NFRKB: variants seen among roughly 807,000 people sequenced by gnomAD.
NFRKB encodes nuclear factor related to kappa-B-binding protein.
In NFRKB, 62 loss-of-function variants were observed where a neutral mutation model predicts 135.7. The ratio of observed to expected loss-of-function variants is 0.46; its 90% CI spans 0.37 to 0.56. The LOEUF (loss-of-function observed/expected upper bound fraction) is 0.56, where lower values mean the gene tolerates loss of function less well. NFRKB is among the 20% of genes least tolerant of loss of function. NFRKB has a pLI of 0.00. For missense variants in NFRKB, 1,545 were observed against 1,662.0 expected (o/e 0.93, Z 1.22); for synonymous variants, 678 against 635.6 (o/e 1.07, Z -1.00).
rs200192480 is a variant in NFRKB, at chr11:129,874,521, G to A, written c.2038C>T (p.Pro680Ser). 24 of 1,614,194 alleles carry A rather than the reference G, an allele frequency of 1.5e-5. No individual in the cohort carries two copies. The highest frequency in any genetic ancestry group is 1.7e-4 in the Middle Eastern group (1 of 6,060). The change falls in exon 20 of 27, where the codon CCC becomes TCC. Residue 680 changes from proline (P) to serine (S), a missense_variant. This residue lies in a region of NFRKB where 753 missense variants were observed against 804.3 expected (regional missense o/e 0.94). Coordinates refer to ENST00000682444, the MANE Select transcript of NFRKB (RefSeq NM_001143835.2). The surrounding 1 kb of genome is among the most constrained non-coding windows in gnomAD (Gnocchi z 4.5). ...AKARKALQQK[P>S]KPPSKVKSSS... ...CTTACCACCTTGGATGGGGGCTTGG[G>A]TTTTTGCTGAAGAGCTTTTCTGGCT... is the stretch of plus-strand genomic sequence containing the variant.
At position 129,885,609 on chromosome 11, in the gene NFRKB, C is replaced by A. The variant is rs551311902; in HGVS notation, c.466G>T (p.Asp156Tyr). Residue 156 changes from aspartate to tyrosine, a missense_variant and splice_region_variant, in exon 6 of 27, where the codon GAT (aspartate) becomes TAT (tyrosine). Asp to Tyr is a radical substitution (Grantham distance 160, BLOSUM62 -3). Coordinates refer to ENST00000682444, the MANE Select transcript of NFRKB (RefSeq NM_001143835.2). The part of the protein sequence containing the change: ...LLKQILASRS[D>Y]LLEMARRSGP... Reference sequence around the variant, plus strand: ...CTCCGCCGGGCCATCTCCAGCAGATCCTAGGTAGAGATCAGGTGGGGGTAC... The same window carrying A: ...CTCCGCCGGGCCATCTCCAGCAGATACTAGGTAGAGATCAGGTGGGGGTAC... 4.5e-5 allele frequency: 73 copies of A among 1,606,134 alleles called. 3 individuals carry two copies. The South Asian group carries it at 7.5e-4, about 17-fold the overall frequency.
At chr11:129,879,084 T>A (rs764406192) in intron 13 of NFRKB, among the ~76,000 whole-genome samples, 11 of 152,138 alleles carry the variant, frequency 7.2e-5, no homozygotes, top group Non-Finnish European at 1.3e-4. Flanking sequence ...TCCTGTGCCC[T>A]CTTCTCAGGT....
chr11:129,869,752 C>A lies in NFRKB; in HGVS notation c.3273G>T (p.Val1091=). The change falls in exon 24 of 27, where the codon GTG becomes GTT. Residue 1091 remains valine, a synonymous_variant. Coordinates refer to ENST00000682444, the MANE Select transcript of NFRKB (RefSeq NM_001143835.2). The part of the protein sequence containing the change: ...EAKPAATIRI[V]QGLGVMPPKA... ...TGGGAGGCATCACTCCCAGTCCCTG[C>A]ACGATGCGGATCGTGGCAGCTGGTT... is the stretch of plus-strand genomic sequence containing the variant. 5 of 1,614,260 alleles carry A rather than the reference C, an allele frequency of 3.1e-6. No homozygotes were observed. The highest frequency in any genetic ancestry group is 4.2e-6 in the Non-Finnish European group (5 of 1,180,046).
At chr11:129,883,230 G>A in intron 8 of NFRKB, 24 bp from the exon 9 acceptor site, 3 of 1,607,038 alleles carry the variant, frequency 1.9e-6, no homozygotes, top group South Asian at 2.2e-5. Context: ...CCAGAATTTG[G>A]TCATGGAGGC....
intron 24 of NFRKB, among the ~76,000 whole-genome samples, chr11:129,867,085 T>C (rs190774731): frequency 8.9e-4 from 135 of 152,318 alleles, no homozygotes; most frequent in Middle Eastern, 3.4e-3. Flanking sequence ...CTGCCTAGAA[T>C]GATCCCTTCA....
At chr11:129,877,423 G>A in intron 15 of NFRKB, 38 bp from the exon 16 acceptor site, 1 of 1,596,536 alleles carries the variant, frequency 6.3e-7, no homozygotes, top group Non-Finnish European at 8.6e-7. Context: ...CCTGACAGCT[G>A]GCACGTGTGT....
chr11:129,882,630 G>T lies in NFRKB; in HGVS notation c.903C>A (p.Ala301=), dbSNP rs1378689195. The T allele has an allele frequency of 6.2e-7, 1 of 1,612,630 alleles. No individual in the cohort carries two copies. The highest frequency in any genetic ancestry group is 8.5e-7 in the Non-Finnish European group (1 of 1,179,752). ...TTTTAAGGACAGCCAAGTCATATAA[G>T]GCTAGAAAGGCAAAGTAACACCAGT... ...VNAGRKGSLA[A]LYDLAVLKKK... Residue 301 remains alanine, a splice_region_variant and synonymous_variant, in exon 10 of 27, where the codon GCC becomes GCA. Transcript: ENST00000682444.
At position 129,881,843 on chromosome 11, in the gene NFRKB, C is replaced by A; in HGVS notation, c.1202G>T (p.Arg401Leu). ...TGGCGATGACTGCCAATCCAAAACT[C>A]GCTCCTCTAGCTGAGGGAAAGCAAA... is the stretch of plus-strand genomic sequence containing the variant. ...SQASLPMLEERVLDWQSSPAS... is the reference protein window; with the variant it reads ...SQASLPMLEELVLDWQSSPAS... Residue 401 changes from arginine (R) to leucine (L), a missense_variant, in exon 12 of 27, where the codon CGA becomes CTA. By Grantham distance (102) the Arg-to-Leu change is moderately radical. Around this residue, in one of 3 missense-constraint regions of NFRKB, gnomAD observed 678 missense variants for 646.7 expected, o/e 1.05. Coordinates refer to ENST00000682444, the MANE Select transcript of NFRKB (RefSeq NM_001143835.2). The A allele has an allele frequency of 1.2e-6, 2 of 1,606,752 alleles. No individual in the cohort carries two copies. The highest frequency in any genetic ancestry group is 1.1e-5 in the South Asian group (1 of 89,624).
intron 8 of NFRKB, 118 bp from the exon 9 acceptor site, chr11:129,883,324 T>C (rs927865053): frequency 4.2e-6 from 3 of 721,228 alleles, no homozygotes; most frequent in Non-Finnish European, 7.4e-6. Flanking sequence ...TCACATTGAG[T>C]CAAAAATATA....
intron 25 of NFRKB, 110 bp downstream of exon 25, chr11:129,865,767 G>A: frequency 2.4e-6 from 2 of 850,872 alleles, no homozygotes; most frequent in Non-Finnish European, 3.9e-6. Context: ...AGGTGTCAAA[G>A]AAGGGCCCCA....
intron 16 of NFRKB, 22 bp downstream of exon 16, chr11:129,877,303 A>G (rs767085541): frequency 6.2e-7 from 1 of 1,613,272 alleles, no homozygotes; most frequent in South Asian, 1.1e-5. Context: ...GCAGAGACTT[A>G]CACTGGCTTT....
chr11:129,870,024 T>A lies in NFRKB; in HGVS notation c.3001A>T (p.Thr1001Ser). 6.2e-7 allele frequency: 1 copy of A among 1,614,248 alleles called. No individual in the cohort carries two copies. Among genetic ancestry groups the A allele is most frequent in the Non-Finnish European group, 8.5e-7 (1 of 1,180,038 alleles). ...TQDLFGTGGN[T>S]TGKGISATLH... ...GTGGCAGAGATGCCTTTGCCTGTAG[T>A]GTTGCCTCCTGTCCCGAAGAGGTCC... The change falls in exon 24 of 27, where the codon ACT (threonine) becomes TCT (serine). Residue 1001 changes from threonine (T) to serine (S), a missense_variant. Thr to Ser is a moderately conservative substitution (Grantham distance 58). Coordinates refer to ENST00000682444, the MANE Select transcript of NFRKB (RefSeq NM_001143835.2).
chr11:129,874,041 A>G lies in NFRKB; in HGVS notation c.2280-26T>C. ...CTATGAAGAACATCGGGGAAAGACA[A>G]AAAACAAAAACTTAGGACATGCATA... On this transcript the variant is annotated intron_variant, in intron 21 of 26. Coordinates refer to ENST00000682444, the MANE Select transcript of NFRKB (RefSeq NM_001143835.2). The surrounding 1 kb of genome is among the most constrained non-coding windows in gnomAD (Gnocchi z 4.5). The G allele has an allele frequency of 6.2e-7, 1 of 1,603,172 alleles. No individual in the cohort carries two copies. The highest frequency in any genetic ancestry group is 8.5e-7 in the Non-Finnish European group (1 of 1,171,450).
In NFRKB at chr11:129,876,642, A is replaced by G. The variant is rs565832745; in HGVS notation, c.1747+79T>C. On this transcript the variant is annotated intron_variant, in intron 17 of 26. Coordinates refer to ENST00000682444, the MANE Select transcript of NFRKB (RefSeq NM_001143835.2). Reference sequence around the variant, plus strand: ...CTACCCTGGGTGGAGGGGTAAGGAGAGGACAGAGTTCAGAGTTGGTAAGAG... The same window carrying G: ...CTACCCTGGGTGGAGGGGTAAGGAGGGGACAGAGTTCAGAGTTGGTAAGAG... 5.0e-3 allele frequency: 7,472 copies of G among 1,497,096 alleles called. 34 individuals carry two copies. Among genetic ancestry groups the G allele is most frequent in the Non-Finnish European group, 6.3e-3 (6,988 of 1,103,592 alleles). The allele number at this position is 1,497,096 out of a possible 1,614,324, so 92.7% of individuals were successfully genotyped here.
chr11:129,876,990 T>A, intron 16 of NFRKB, 95 bp from the exon 17 acceptor site: 1 of 1,195,672 alleles, frequency 8.4e-7, no homozygotes, highest in Non-Finnish European at 1.2e-6. Context: ...ATGGAACAAT[T>A]AAAACAGGAA....
intron 15 of NFRKB, 146 bp from the exon 16 acceptor site, chr11:129,877,531 T>G (rs1591501292): frequency 1.4e-6 from 1 of 737,700 alleles, no homozygotes; most frequent in African/African-American, 1.7e-5. Context: ...GAGCCCACCT[T>G]CCAGCTCCTA....
chr11:129,890,760 T>C (rs1356581765), intron 3 of NFRKB, among the ~76,000 whole-genome samples: 1 of 152,202 alleles, frequency 6.6e-6, no homozygotes, highest in Non-Finnish European at 1.5e-5. Flanking sequence ...GCATCTTGCC[T>C]GTGAAAGTGG....
Position 129,869,728 on chromosome 11 carries a change from G to C in NFRKB, c.3297C>G (p.Pro1099=), listed in dbSNP as rs756757722. ...CAACGGTGATGGTCTGGCCTGCTTT[G>C]GGAGGCATCACTCCCAGTCCCTGCA... ...RIVQGLGVMP[P]KAGQTITVAT... Residue 1099 remains proline (P), a synonymous_variant, in exon 24 of 27, where the codon CCC becomes CCG. Transcript: ENST00000682444. The C allele has an allele frequency of 6.2e-7, 1 of 1,614,236 alleles. No homozygotes were observed. Among genetic ancestry groups the C allele is most frequent in the Non-Finnish European group, 8.5e-7 (1 of 1,180,048 alleles).
At position 129,878,980 on chromosome 11, in the gene NFRKB, G is replaced by C. The variant is rs1022029353; in HGVS notation, c.1385-437C>G. On this transcript the variant is annotated intron_variant, in intron 13 of 26. Transcript: ENST00000682444. ...AAAGGCTTCTGGCTAGTGGGGCACA[G>C]AGAAAATTCTATTCACTAGCATAGC... is the stretch of plus-strand genomic sequence containing the variant. Among the ~76,000 whole-genome samples, 5 of 152,212 alleles carry C rather than the reference G, an allele frequency of 3.3e-5. No individual in the cohort carries two copies. In the South Asian group the frequency reaches 8.3e-4, roughly 25 times the overall value.
Sources: allele counts gnomAD v4.1 joint callset (sites outside exome capture counted in the v4.1 genomes callset), GRCh38; gene constraint gnomAD v4.1.1; regional missense constraint gnomAD v4.1.1; non-coding constraint Gnocchi (gnomAD v3.1); transcripts MANE v1.5; gene names NCBI Gene and HGNC (gene_info 2026-07-23, HGNC 2026-07-21).